The following CCSER2 variants were observed in gnomAD, a reference collection of about 807,000 sequenced individuals.
The protein encoded by CCSER2 is serine-rich coiled-coil domain-containing protein 2.
A neutral mutation model predicts 92.3 loss-of-function variants in CCSER2; 46 were observed. That is an observed-to-expected ratio of 0.50 (90% CI 0.39 to 0.64). The LOEUF (loss-of-function observed/expected upper bound fraction) is 0.64. Ranked by LOEUF, CCSER2 falls within the 30% of genes least tolerant of loss-of-function variation. CCSER2 has a pLI of 0.00. For missense variants in CCSER2, 1,244 were observed against 1,238.9 expected, an observed-to-expected ratio of 1.00 and a Z score of -0.06; for synonymous variants, 433 against 431.4, an observed-to-expected ratio of 1.00 and a Z score of -0.04.
At chr10:84,446,482 A>G (rs1011714929) in intron 6 of CCSER2, among the ~76,000 whole-genome samples, 2 of 152,164 alleles carry the variant, frequency 1.3e-5, no homozygotes, top group African/African-American at 4.8e-5. Context: ...AGTGGGGTTC[A>G]CCAAGAGCTA....
At chr10:84,377,656 C>A (rs7916678) in intron 3 of CCSER2, among the ~76,000 whole-genome samples, 31,881 of 151,970 alleles carry the variant, frequency 0.21, 3,604 homozygotes, top group Admixed American at 0.34. Context: ...TGAGCTTGTC[C>A]GTTTCCAGGA....
chr10:84,349,938 G>A (rs932827501), intron 1 of CCSER2, among the ~76,000 whole-genome samples: 2 of 152,180 alleles, frequency 1.3e-5, no homozygotes, highest in African/African-American at 4.8e-5. Context: ...CGGATCACCT[G>A]AGGTCAGGAG....
rs533268688 is a variant in CCSER2, at chr10:84,425,744, T to C, written c.1719T>C (p.Asn573=). 2.7e-5 allele frequency: 43 copies of C among 1,609,970 alleles called. No homozygotes were observed. Among genetic ancestry groups the C allele is most frequent in the Admixed American group, 1.3e-4 (8 of 59,594 alleles). ...DAPLENVECD[N]MNRFDRPDRN... is the part of the protein sequence containing the mutation. ...GAATCTGTCTAGTGGAGTGTGACAA[T>C]ATGAACCGCTTTGACCGACCAGACA... Residue 573 remains asparagine, a synonymous_variant, in exon 5 of 10, where the codon AAT becomes AAC. Transcript: ENST00000372088.
chr10:84,376,588 C>T (rs1018198722), intron 3 of CCSER2, among the ~76,000 whole-genome samples: 2 of 152,036 alleles, frequency 1.3e-5, no homozygotes, highest in Non-Finnish European at 2.9e-5. Context: ...TACAACTTAT[C>T]TTATTGTTCA....
At chr10:84,443,137 A>G (rs1340813649) in intron 6 of CCSER2, among the ~76,000 whole-genome samples, 3 of 152,240 alleles carry the variant, frequency 2.0e-5, no homozygotes, top group Middle Eastern at 3.2e-3. Flanking sequence ...AAAAGCCAAA[A>G]TTGACAAATG....
chr10:84,437,150 C>CACACAG (rs1443165603), intron 5 of CCSER2, among the ~76,000 whole-genome samples: 1 of 77,074 alleles, frequency 1.3e-5, no homozygotes, highest in African/African-American at 4.0e-5. Flanking sequence ...CACACACACA[C>CACACAG]AGAGAGAGAG....
At chr10:84,359,988 A>AT (rs1490223475) in intron 1 of CCSER2, among the ~76,000 whole-genome samples, 5 of 151,914 alleles carry the variant, frequency 3.3e-5, no homozygotes, top group Non-Finnish European at 2.9e-5. Context: ...TGATTTTTGT[A>AT]TTTTTAGTAG....
At chr10:84,459,368 G>A (rs568752669) in intron 6 of CCSER2, among the ~76,000 whole-genome samples, 16 of 151,956 alleles carry the variant, frequency 1.1e-4, no homozygotes, top group South Asian at 4.2e-4. Context: ...CTATTCGTTC[G>A]CCTTTTATTT....
intron 3 of CCSER2, 198 bp downstream of exon 3, chr10:84,374,013 A>G: frequency 2.6e-6 from 3 of 1,166,760 alleles, no homozygotes; most frequent in Non-Finnish European, 3.5e-6. Flanking sequence ...ATTTGACTTA[A>G]ATATACTCAA....
At chr10:84,351,711 A>G (rs1844869613) in intron 1 of CCSER2, among the ~76,000 whole-genome samples, 1 of 152,202 alleles carries the variant, frequency 6.6e-6, no homozygotes, top group South Asian at 2.1e-4. Context: ...TTAGTTTAAT[A>G]AGAAAGGAGA....
chr10:84,402,282 G>C (rs902676816), intron 3 of CCSER2, among the ~76,000 whole-genome samples: 2 of 152,144 alleles, frequency 1.3e-5, no homozygotes, highest in East Asian at 3.8e-4. Flanking sequence ...GTGGCTGCTG[G>C]TGACAGTAGC....
intron 8 of CCSER2, among the ~76,000 whole-genome samples, chr10:84,475,025 G>A (rs1207256587): frequency 2.6e-5 from 4 of 152,208 alleles, no homozygotes; most frequent in African/African-American, 9.6e-5. Flanking sequence ...GTCACAAGAT[G>A]TCTGTTGCTC....
intron 6 of CCSER2, among the ~76,000 whole-genome samples, chr10:84,459,122 G>A (rs541858467): frequency 4.6e-5 from 7 of 151,986 alleles, no homozygotes; most frequent in African/African-American, 1.2e-4. Context: ...ATTCTCCTGC[G>A]TCAGCCTCCT....
chr10:84,455,673 T>C, intron 6 of CCSER2: 1 of 716,080 alleles, frequency 1.4e-6, no homozygotes, highest in Non-Finnish European at 2.6e-6. Context: ...TTGTTCACAG[T>C]CATGGAGTAA....
At chr10:84,512,388 G>T (rs1204745704) in intron 9 of CCSER2, among the ~76,000 whole-genome samples, 1 of 101,516 alleles carries the variant, frequency 9.9e-6, no homozygotes, top group Non-Finnish European at 2.2e-5. Flanking sequence ...GTGTGTGTGT[G>T]TGTGTGTGAG....
At position 84,367,707 on chromosome 10, in the gene CCSER2, C is replaced by CTTT. The variant is rs71013317; in HGVS notation, c.-39-3295_-39-3293dup. On this transcript the variant is annotated intron_variant, in intron 1 of 9. Transcript: ENST00000372088. ...TTTAAGTCTTTGCTTCTTTTCCTTGCTTTTTTTTTTTTTTCTTTCAAATTC... is the reference window on the plus strand; with the variant it reads ...TTTAAGTCTTTGCTTCTTTTCCTTGCTTTTTTTTTTTTTTTTTCTTTCAAATTC... Among the ~76,000 whole-genome samples the CTTT allele has an allele frequency of 8.1e-3, 1,149 of 141,432 alleles. 12 individuals carry two copies. Among genetic ancestry groups the CTTT allele is most frequent in the African/African-American group, 0.028 (1,089 of 38,536 alleles). 92.8% of individuals were successfully genotyped at this position (141,432 alleles called of 152,430 possible).
intron 8 of CCSER2, among the ~76,000 whole-genome samples, chr10:84,475,448 C>T (rs1313496915): frequency 2.0e-5 from 3 of 152,090 alleles, no homozygotes; most frequent in Admixed American, 2.0e-4. Context: ...CATGTGTGAG[C>T]ATATAGACCA....
At chr10:84,332,436 A>ATATATATATATATATATAAATT (rs1401635246) in intron 1 of CCSER2, among the ~76,000 whole-genome samples, 1 of 55,212 alleles carries the variant, frequency 1.8e-5, no homozygotes, top group African/African-American at 1.1e-4. Context: ...ATATATATAT[A>ATATATATATATATATATAAATT]TTTTTTTTTT....
intron 7 of CCSER2, among the ~76,000 whole-genome samples, chr10:84,466,987 T>C (rs1307229694): frequency 6.6e-6 from 1 of 152,208 alleles, no homozygotes; most frequent in African/African-American, 2.4e-5. Context: ...TCATCTGTCT[T>C]GAGTGCGCCT....
Sources: gnomAD v4.1 joint callset for allele counts (sites outside exome capture counted in the v4.1 genomes callset) on GRCh38, gnomAD v4.1.1 for gene constraint, MANE v1.5 for transcripts, NCBI Gene and HGNC (gene_info 2026-07-23, HGNC 2026-07-21) for gene names.